MYBL2: variants seen among roughly 807,000 people sequenced by gnomAD.
The protein encoded by MYBL2 is myb-related protein B.
Under a neutral mutation model 79.9 loss-of-function variants are expected in MYBL2, and 28 were observed. The observed-to-expected ratio is 0.35, with a 90% confidence interval of 0.26 to 0.48. The LOEUF (loss-of-function observed/expected upper bound fraction) is 0.48. Ranked by LOEUF, MYBL2 falls within the 20% of genes least tolerant of loss-of-function variation. The pLI is 0.99. For missense variants in MYBL2, 735 were observed against 893.9 expected (o/e 0.82, Z 2.27); for synonymous variants, 378 against 361.2 (o/e 1.05, Z -0.53).
chr20:43,714,918 C>T (rs974171030), intron 12 of MYBL2, among the ~76,000 whole-genome samples: 9 of 152,306 alleles, frequency 5.9e-5, no homozygotes, highest in East Asian at 3.9e-4. Flanking sequence ...CGTGAGCCAC[C>T]GCTCCTGGCC....
chr20:43,704,713 T>G (rs187061010), intron 8 of MYBL2, among the ~76,000 whole-genome samples: 1 of 152,330 alleles, frequency 6.6e-6, no homozygotes, highest in Non-Finnish European at 1.5e-5. Context: ...GGTTTTCTTA[T>G]CTGTAAAAGG....
intron 6 of MYBL2, among the ~76,000 whole-genome samples, chr20:43,699,035 A>C (rs1256097622): frequency 6.6e-6 from 1 of 151,786 alleles, no homozygotes; most frequent in African/African-American, 2.4e-5. Context: ...AAGCATTAAA[A>C]ATTTATTTTT....
At chr20:43,674,057 C>T (rs1403132921) in intron 2 of MYBL2, among the ~76,000 whole-genome samples, 158 bp downstream of exon 2, 1 of 152,020 alleles carries the variant, frequency 6.6e-6, no homozygotes, top group Non-Finnish European at 1.5e-5. Flanking sequence ...CTTCTCAGAG[C>T]ATTCTGGGGG....
intron 8 of MYBL2, among the ~76,000 whole-genome samples, chr20:43,703,363 G>A (rs1987714511): frequency 6.6e-6 from 1 of 152,216 alleles, no homozygotes; most frequent in East Asian, 1.9e-4. Flanking sequence ...AGAATAGAGT[G>A]TGGGAAGTGC....
chr20:43,698,641 G>A (rs1376801421), intron 6 of MYBL2, among the ~76,000 whole-genome samples: 1 of 148,304 alleles, frequency 6.7e-6, no homozygotes, highest in African/African-American at 2.5e-5. Context: ...GCCTCCCAAT[G>A]TGCTGGGATT....
At chr20:43,678,307 TAAA>T in intron 2 of MYBL2, among the ~76,000 whole-genome samples, 1 of 11,170 alleles carries the variant, frequency 9.0e-5, no homozygotes, top group Non-Finnish European at 5.0e-4. Context: ...AATAAAAAAA[TAAA>T]TAAAGAAAGA....
chr20:43,699,663 T>A, intron 6 of MYBL2, 94 bp from the exon 7 acceptor site: 1 of 1,360,586 alleles, frequency 7.3e-7, no homozygotes, highest in East Asian at 2.3e-5. Flanking sequence ...CATCACAGTT[T>A]CCTTCTTAGA....
intron 9 of MYBL2, among the ~76,000 whole-genome samples, chr20:43,709,366 C>T (rs1409875026): frequency 6.6e-6 from 1 of 152,234 alleles, no homozygotes; most frequent in Non-Finnish European, 1.5e-5. Flanking sequence ...TTTTCTGCCC[C>T]CCTGCTCTAG....
intron 2 of MYBL2, among the ~76,000 whole-genome samples, chr20:43,676,639 T>C (rs1987016400): frequency 6.6e-6 from 1 of 152,230 alleles, no homozygotes; most frequent in African/African-American, 2.4e-5. Context: ...CTTGCATAAG[T>C]CTTTTTGCAA....
intron 6 of MYBL2, 51 bp downstream of exon 6, chr20:43,692,370 C>T: frequency 6.2e-7 from 1 of 1,604,314 alleles, no homozygotes; most frequent in Non-Finnish European, 8.5e-7. Flanking sequence ...ATTCATCTGA[C>T]ACCATCTCAT....
At chr20:43,688,957 T>G (rs904230425) in intron 5 of MYBL2, among the ~76,000 whole-genome samples, 1 of 152,080 alleles carries the variant, frequency 6.6e-6, no homozygotes, top group Non-Finnish European at 1.5e-5. Flanking sequence ...ACCTGACTAA[T>G]TTTTGTATTT....
Position 43,702,801 on chromosome 20 carries a change from C to G in MYBL2, c.1263C>G (p.Ser421=). ...AGAGGAAGAGGCGTGTGGCTCTGTC[C>G]CCTGTCACTGAGAATAGCACCAGTC... The part of the protein sequence containing the change: ...KRQRKRRVAL[S]PVTENSTSLS... The change falls in exon 8 of 14, where the codon TCC becomes TCG. Residue 421 remains serine, a synonymous_variant. Transcript: ENST00000217026. 1.2e-6 allele frequency: 2 copies of G among 1,614,208 alleles called. No individual in the cohort carries two copies. The highest frequency in any genetic ancestry group is 1.7e-6 in the Non-Finnish European group (2 of 1,180,034).
chr20:43,675,402 C>T (rs774386113), intron 2 of MYBL2, among the ~76,000 whole-genome samples: 1 of 151,944 alleles, frequency 6.6e-6, no homozygotes, highest in Non-Finnish European at 1.5e-5. Flanking sequence ...CAACTTCCGC[C>T]TCCTGGGTTC....
At chr20:43,706,580 C>T (rs1987786695) in intron 9 of MYBL2, among the ~76,000 whole-genome samples, 1 of 151,800 alleles carries the variant, frequency 6.6e-6, no homozygotes, top group South Asian at 2.1e-4. Context: ...AGAAATCAGT[C>T]TCCAAAGTCC....
At chr20:43,692,551 C>G (rs1174585054) in intron 6 of MYBL2, among the ~76,000 whole-genome samples, 1 of 152,194 alleles carries the variant, frequency 6.6e-6, no homozygotes, top group Admixed American at 6.5e-5. Flanking sequence ...TTAAGGAGAT[C>G]CTCAGCCTCC....
At chr20:43,700,748 C>G (rs568347493) in intron 7 of MYBL2, among the ~76,000 whole-genome samples, 16 of 152,186 alleles carry the variant, frequency 1.1e-4, no homozygotes, top group Non-Finnish European at 1.8e-4. Context: ...ATACAGTCTG[C>G]GTGGTATCCT....
chr20:43,670,648 G>A (rs1430523754), intron 1 of MYBL2, among the ~76,000 whole-genome samples: 1 of 152,178 alleles, frequency 6.6e-6, no homozygotes, highest in African/African-American at 2.4e-5. Flanking sequence ...CAGTTGCAGT[G>A]TAAGGGCCCG....
chr20:43,699,070 C>G (rs1022359468), intron 6 of MYBL2, among the ~76,000 whole-genome samples: 3 of 151,924 alleles, frequency 2.0e-5, no homozygotes. Flanking sequence ...CAGAGTTTTG[C>G]TCTTGTTACC....
chr20:43,698,220 T>G (rs1252729566), intron 6 of MYBL2, among the ~76,000 whole-genome samples: 1 of 151,884 alleles, frequency 6.6e-6, no homozygotes, highest in African/African-American at 2.4e-5. Flanking sequence ...AAATTCACTT[T>G]TTGTTTGTTC....
Sources: gnomAD v4.1 joint callset for allele counts (sites outside exome capture counted in the v4.1 genomes callset) on GRCh38, gnomAD v4.1.1 for gene constraint, MANE v1.5 for transcripts, NCBI Gene and HGNC (gene_info 2026-07-23, HGNC 2026-07-21) for gene names.